PIGX: variants seen among roughly 807,000 people sequenced by gnomAD.
PIGX encodes phosphatidylinositol glycan anchor biosynthesis class X, also known as GPI alpha-1,4-mannosyltransferase I, stabilizing subunit.
In PIGX, 24 loss-of-function variants were observed where a neutral mutation model predicts 28.7. The observed-to-expected ratio is 0.84, with a 90% CI of 0.60 to 1.17. The LOEUF (loss-of-function observed/expected upper bound fraction) is 1.17. PIGX is among the 50% of genes most tolerant of loss of function. PIGX has a pLI of 0.00. For missense variants in PIGX, 305 were observed against 317.8 expected, an observed-to-expected ratio of 0.96 and a Z score of 0.31; for synonymous variants, 127 against 121.0, an observed-to-expected ratio of 1.05 and a Z score of -0.33.
rs6805472 is a variant in PIGX, at chr3:196,734,298, A to G, written c.*396A>G. The G allele has an allele frequency of 0.41, 67,593 of 164,652 alleles. 14,148 individuals carry two copies. The highest frequency in any genetic ancestry group is 0.57 in the East Asian group (3,244 of 5,692). The allele number at this position is 164,652 out of a possible 1,614,324, so 10.2% of individuals were successfully genotyped here. On this transcript the variant is annotated 3_prime_UTR_variant, in exon 6 of 6. Coordinates refer to ENST00000392391, the MANE Select transcript of PIGX (RefSeq NM_017861.4). ...TAAATAAGAATAAAATAGGCCAGGC[A>G]CAGTGGCTCACACCTGTAATCCCAG...
chr3:196,717,717 A>G (rs562688035), intron 2 of PIGX: 2 of 152,300 alleles, frequency 1.3e-5, no homozygotes, highest in African/African-American at 4.8e-5. Context: ...AATTAGGGTG[A>G]TAGAGCTCTG....
At chr3:196,715,024 C>G (rs1250052995) in intron 1 of PIGX, among the ~76,000 whole-genome samples, 1 of 152,076 alleles carries the variant, frequency 6.6e-6, no homozygotes, top group African/African-American at 2.4e-5. Context: ...TGCAGTGAGC[C>G]AAGATCGTGC....
intron 2 of PIGX, among the ~76,000 whole-genome samples, chr3:196,718,797 A>C (rs1325029245): frequency 2.0e-5 from 3 of 152,004 alleles, no homozygotes; most frequent in Non-Finnish European, 4.4e-5. Flanking sequence ...TATTCCTTTA[A>C]TGTTTAATAG....
At chr3:196,722,711 ACT>A (rs147799305) in intron 3 of PIGX, among the ~76,000 whole-genome samples, 155 bp downstream of exon 3, 2 of 152,272 alleles carry the variant, frequency 1.3e-5, no homozygotes, top group Non-Finnish European at 2.9e-5. Context: ...CAAGTGAGTG[ACT>A]CTTGTCAGGA....
Position 196,727,941 on chromosome 3 carries a change from A to C in PIGX, c.337A>C (p.Asn113His). 1.2e-6 allele frequency: 2 copies of C among 1,608,674 alleles called. No individual in the cohort carries two copies. Among genetic ancestry groups the C allele is most frequent in the Non-Finnish European group, 1.7e-6 (2 of 1,176,244 alleles). Residue 113 changes from asparagine (N) to histidine (H), a missense_variant, in exon 4 of 6, where the codon AAT becomes CAT. By Grantham distance (68) the Asn-to-His change is moderately conservative (BLOSUM62 1). Coordinates refer to ENST00000392391, the MANE Select transcript of PIGX (RefSeq NM_017861.4). Reference sequence around the variant, plus strand: ...TGAACAGGCAGTGATGGTTTCAGAAAATTTTGATATAGAGGCCCCTAACTA... The same window carrying C: ...TGAACAGGCAGTGATGGTTTCAGAACATTTTGATATAGAGGCCCCTAACTA...
rs187244445 is a variant in PIGX at position 196,722,470 on chromosome 3, C to T, written c.232C>T (p.Arg78Cys). 2.7e-5 allele frequency: 44 copies of T among 1,611,468 alleles called. No individual in the cohort carries two copies. The highest frequency in any genetic ancestry group is 1.3e-4 in the Admixed American group (8 of 59,984). Residue 78 changes from arginine to cysteine, a missense_variant, in exon 3 of 6, where the codon CGT (arginine) becomes TGT (cysteine). Transcript: ENST00000392391. ...AAGCATTGAGGACTTGCACACCTGC[C>T]GTCTCTTAATTAAACAGGACATTCC...
intron 1 of PIGX, chr3:196,712,872 G>A: frequency 1.9e-6 from 2 of 1,080,528 alleles, no homozygotes; most frequent in South Asian, 4.5e-5. Context: ...CGGTTCCCAG[G>A]CTGGACTGGC....
chr3:196,732,216 T>TTTTATATATA (rs1553797085), intron 5 of PIGX, among the ~76,000 whole-genome samples: 1 of 51,378 alleles, frequency 1.9e-5, no homozygotes, highest in Admixed American at 2.8e-4. Flanking sequence ...TATATATTAT[T>TTTTATATATA]TATATATATA....
intron 4 of PIGX, among the ~76,000 whole-genome samples, chr3:196,729,265 G>A (rs1287030493): frequency 2.6e-5 from 4 of 151,978 alleles, no homozygotes; most frequent in African/African-American, 4.8e-5. Flanking sequence ...CCCAGGAGGC[G>A]GAGGTTGCAG....
At position 196,712,498 on chromosome 3, in the gene PIGX, C is replaced by T. The variant is rs1429045374; in HGVS notation, c.-35C>T. On this transcript the variant is annotated 5_prime_UTR_variant, in exon 1 of 6. Transcript: ENST00000392391. Reference sequence around the variant, plus strand: ...CCCTTCCTGCGTCCGCACCTGGCCCCGCGCGCCCCTCTCGGGCGTCCGGCT... The same window carrying T: ...CCCTTCCTGCGTCCGCACCTGGCCCTGCGCGCCCCTCTCGGGCGTCCGGCT... 5 of 1,055,802 alleles carry T rather than the reference C, an allele frequency of 4.7e-6. No individual in the cohort carries two copies. Among genetic ancestry groups the T allele is most frequent in the Non-Finnish European group, 4.7e-6 (4 of 849,358 alleles). The allele number at this position is 1,055,802 out of a possible 1,614,324, so 65.4% of individuals were successfully genotyped here.
intron 4 of PIGX, 82 bp downstream of exon 4, chr3:196,728,218 G>A: frequency 1.8e-6 from 2 of 1,104,096 alleles, no homozygotes; most frequent in Non-Finnish European, 2.7e-6. Flanking sequence ...TAGGCTGGCT[G>A]GCAAGGCCCT....
At chr3:196,731,966 T>C (rs1712775020) in intron 5 of PIGX, among the ~76,000 whole-genome samples, 1 of 151,152 alleles carries the variant, frequency 6.6e-6, no homozygotes, top group Non-Finnish European at 1.5e-5. Context: ...GCTGGGACTA[T>C]AGGCGCCTGC....
chr3:196,717,424 A>G (rs538814555), intron 2 of PIGX, among the ~76,000 whole-genome samples: 1 of 152,306 alleles, frequency 6.6e-6, no homozygotes, highest in South Asian at 2.1e-4. Context: ...TGTATTGTTT[A>G]CCACGTACAG....
At chr3:196,730,077 A>AT (rs1712687022) in intron 4 of PIGX, among the ~76,000 whole-genome samples, 1 of 151,988 alleles carries the variant, frequency 6.6e-6, no homozygotes, top group African/African-American at 2.4e-5. Flanking sequence ...CAAAAAAAAA[A>AT]AAAAAAGTTA....
At chr3:196,729,850 A>G (rs1712677692) in intron 4 of PIGX, among the ~76,000 whole-genome samples, 1 of 151,476 alleles carries the variant, frequency 6.6e-6, no homozygotes, top group African/African-American at 2.4e-5. Flanking sequence ...CAGGCGGATC[A>G]GTTGAGGTCA....
rs1399495252 is a variant in PIGX at position 196,712,383 on chromosome 3, G to A, written c.-150G>A. ...GGGGGCCGGGGCTGCAGGCAGCTGG[G>A]AACCGCGGGCGCTAGGCGCGCGCAC... On this transcript the variant is annotated 5_prime_UTR_variant, in exon 1 of 6. Coordinates refer to ENST00000392391, the MANE Select transcript of PIGX (RefSeq NM_017861.4). The A allele has an allele frequency of 6.3e-6, 2 of 316,690 alleles. No individual in the cohort carries two copies. The highest frequency in any genetic ancestry group is 1.4e-4 in the East Asian group (2 of 14,776). The allele number at this position is 316,690 out of a possible 1,614,324, so 19.6% of individuals were successfully genotyped here. A position where few individuals can be genotyped will look rare whatever the true frequency, so the allele number is the denominator to read the frequency against.
At position 196,712,573 on chromosome 3, in the gene PIGX, T is replaced by G; in HGVS notation, c.41T>G (p.Leu14Arg). The G allele has an allele frequency of 8.4e-7, 1 of 1,189,072 alleles. No homozygotes were observed. 73.7% of individuals were successfully genotyped at this position (1,189,072 alleles called of 1,614,324 possible). A position where few individuals can be genotyped will look rare whatever the true frequency, so the allele number is the denominator to read the frequency against. The stretch of plus-strand genomic sequence containing the variant: ...GCGGCGGTTCGGGCGGCCGCCTGGC[T>G]GCTCCTCGGGGCGGCGACCGGGCTC... Residue 14 changes from leucine to arginine, a missense_variant, in exon 1 of 6, where the codon CTG (leucine) becomes CGG (arginine). Leu to Arg is a moderately radical substitution (Grantham distance 102, BLOSUM62 -2). Transcript: ENST00000392391.
rs1263078968 is a variant in PIGX at position 196,734,680 on chromosome 3, A to G, written c.*778A>G. 6.6e-6 allele frequency: 1 copy of G among 152,258 alleles called. No individual in the cohort carries two copies. Among genetic ancestry groups the G allele is most frequent in the Non-Finnish European group, 1.5e-5 (1 of 68,048 alleles). The allele number at this position is 152,258 out of a possible 1,614,324, so 9.4% of individuals were successfully genotyped here. ...GAGTTTCAATGAAAATCATTAAAGT[A>G]GGACAGCTAAGAAATTAATATTAAT... is the stretch of plus-strand genomic sequence containing the variant. On this transcript the variant is annotated 3_prime_UTR_variant, in exon 6 of 6. Coordinates refer to ENST00000392391, the MANE Select transcript of PIGX (RefSeq NM_017861.4).
chr3:196,720,345 C>T (rs1287272496), intron 2 of PIGX, among the ~76,000 whole-genome samples: 3 of 152,184 alleles, frequency 2.0e-5, no homozygotes, highest in Non-Finnish European at 4.4e-5. Context: ...GATGTTCTCA[C>T]AGTTCCTTCA....
Sources: gnomAD v4.1 joint callset for allele counts (sites outside exome capture counted in the v4.1 genomes callset) on GRCh38, gnomAD v4.1.1 for gene constraint, MANE v1.5 for transcripts, NCBI Gene and HGNC (gene_info 2026-07-23, HGNC 2026-07-21) for gene names.